UNC5D: variants seen among roughly 807,000 people sequenced by gnomAD.
UNC5D encodes the protein netrin receptor UNC5D.
Under a neutral mutation model 105.4 loss-of-function variants are expected in UNC5D, and 39 were observed. The observed-to-expected ratio is 0.37, with a 90% CI of 0.29 to 0.48. The LOEUF (loss-of-function observed/expected upper bound fraction) is 0.48, where lower values mean the gene tolerates loss of function less well. Among genes scored for constraint, UNC5D ranks in the 20% least tolerant of loss-of-function variants. The pLI is 0.98. For missense variants in UNC5D, 991 were observed against 1,202.4 expected (o/e 0.82, Z 2.60); for synonymous variants, 452 against 450.4 (o/e 1.00, Z -0.04).
At chr8:35,726,813 G>T in intron 10 of UNC5D, 1 of 435,474 alleles carries the variant, frequency 2.3e-6, no homozygotes, top group Non-Finnish European at 4.1e-6. Flanking sequence ...CAGGCTTTAA[G>T]CCCCTTTGGA....
intron 11 of UNC5D, among the ~76,000 whole-genome samples, chr8:35,734,782 ATTT>A (rs1171276656): frequency 3.9e-5 from 5 of 126,704 alleles, no homozygotes; most frequent in Non-Finnish European, 4.9e-5. Context: ...CACACTTTAA[ATTT>A]TTTTTTTTTT....
chr8:35,302,871 A>C (rs1371773213), intron 1 of UNC5D, among the ~76,000 whole-genome samples: 2 of 152,132 alleles, frequency 1.3e-5, no homozygotes, highest in Admixed American at 1.3e-4. Flanking sequence ...AAAACCCTAC[A>C]ATGTAGTTAA....
At chr8:35,779,952 A>G (rs894960460) in intron 16 of UNC5D, among the ~76,000 whole-genome samples, 1 of 152,158 alleles carries the variant, frequency 6.6e-6, no homozygotes, top group Non-Finnish European at 1.5e-5. Flanking sequence ...CCTAATTTTC[A>G]TATTCCAGAA....
chr8:35,373,333 A>G (rs560520812), intron 1 of UNC5D, among the ~76,000 whole-genome samples: 1 of 152,354 alleles, frequency 6.6e-6, no homozygotes, highest in Non-Finnish European at 1.5e-5. Flanking sequence ...TCAGTGAATG[A>G]TTTCAAACAT....
chr8:35,653,171 G>A (rs917210378), intron 4 of UNC5D, among the ~76,000 whole-genome samples: 2 of 151,782 alleles, frequency 1.3e-5, no homozygotes, highest in Non-Finnish European at 2.9e-5. Flanking sequence ...CTCATGATTC[G>A]CCCACTTCAG....
At chr8:35,549,847 A>G (rs1339610520) in intron 2 of UNC5D, among the ~76,000 whole-genome samples, 3 of 152,162 alleles carry the variant, frequency 2.0e-5, no homozygotes, top group Non-Finnish European at 2.9e-5. Context: ...CAAATATTAA[A>G]TCTTGCATCA....
intron 1 of UNC5D, among the ~76,000 whole-genome samples, chr8:35,408,860 GC>G (rs1056652412): frequency 6.6e-6 from 1 of 151,782 alleles, no homozygotes; most frequent in African/African-American, 2.4e-5. Flanking sequence ...TTTGACAAAT[GC>G]ATAGAATTGT....
At chr8:35,568,911 T>C (rs1273098896) in intron 3 of UNC5D, among the ~76,000 whole-genome samples, 4 of 152,148 alleles carry the variant, frequency 2.6e-5, no homozygotes, top group Non-Finnish European at 5.9e-5. Context: ...CAATGACTGT[T>C]TACTTTCCAG....
chr8:35,460,067 G>C (rs1382199721), intron 1 of UNC5D, among the ~76,000 whole-genome samples: 1 of 152,132 alleles, frequency 6.6e-6, no homozygotes, highest in Non-Finnish European at 1.5e-5. Flanking sequence ...TAAATGATTT[G>C]GAAGTTTGGA....
intron 4 of UNC5D, among the ~76,000 whole-genome samples, chr8:35,656,057 C>T (rs1461827379): frequency 6.6e-6 from 1 of 152,140 alleles, no homozygotes; most frequent in Non-Finnish European, 1.5e-5. Context: ...GAGCTTTAGC[C>T]TCCCTCCCTC....
At chr8:35,677,896 GTGTGTGTGTGTA>G (rs1027221448) in intron 4 of UNC5D, among the ~76,000 whole-genome samples, 13 of 151,774 alleles carry the variant, frequency 8.6e-5, no homozygotes, top group East Asian at 1.9e-4. Context: ...GTGTCTGTGT[GTGTGTGTGTGTA>G]TGTGTGTGTG....
intron 3 of UNC5D, among the ~76,000 whole-genome samples, chr8:35,593,181 A>G (rs1377196823): frequency 6.6e-6 from 1 of 152,120 alleles, no homozygotes; most frequent in Non-Finnish European, 1.5e-5. Flanking sequence ...AAAAAATGAC[A>G]TTTCTCCAGT....
At chr8:35,328,054 T>C (rs904256219) in intron 1 of UNC5D, among the ~76,000 whole-genome samples, 6 of 152,188 alleles carry the variant, frequency 3.9e-5, no homozygotes, top group Non-Finnish European at 8.8e-5. Flanking sequence ...GTTTTTTGTT[T>C]GTTTGTTTGT....
intron 1 of UNC5D, among the ~76,000 whole-genome samples, chr8:35,275,077 C>G (rs1261535254): frequency 6.6e-6 from 1 of 151,022 alleles, no homozygotes; most frequent in Non-Finnish European, 1.5e-5. Flanking sequence ...GGTGACAGAG[C>G]AAGACAACGT....
rs1216173082 is a variant in UNC5D at position 35,595,574 on chromosome 8, C to A, written c.487C>A (p.Gln163Lys). 2 of 1,613,900 alleles carry A rather than the reference C, an allele frequency of 1.2e-6. No individual in the cohort carries two copies. The highest frequency in any genetic ancestry group is 1.7e-6 in the Non-Finnish European group (2 of 1,179,966). Residue 163 changes from glutamine to lysine, a missense_variant, in exon 4 of 17, where the codon CAA (glutamine) becomes AAA (lysine). Gln to Lys is a moderately conservative substitution (Grantham distance 53). This residue lies in a region of UNC5D where 944 missense variants were observed against 1,131.6 expected (regional missense o/e 0.83). Transcript: ENST00000404895. ...TGCAGATTTACGGAAAAACTTTGAA[C>A]AAGACCCACAAGGAAGGGAAGTTCC... ...RIAYLRKNFE[Q>K]DPQGREVPIE...
intron 1 of UNC5D, among the ~76,000 whole-genome samples, chr8:35,399,251 A>G (rs1804299257): frequency 6.6e-6 from 1 of 151,982 alleles, no homozygotes; most frequent in South Asian, 2.1e-4. Flanking sequence ...AACACAAAAT[A>G]GATTTCTAGG....
chr8:35,765,144 G>C (rs1484998727), intron 14 of UNC5D, among the ~76,000 whole-genome samples: 2 of 152,202 alleles, frequency 1.3e-5, no homozygotes, highest in South Asian at 2.1e-4. Flanking sequence ...GGGTCTGCCT[G>C]CTGATCTTAG....
chr8:35,704,768 G>A (rs1466606780), intron 7 of UNC5D, among the ~76,000 whole-genome samples: 1 of 152,130 alleles, frequency 6.6e-6, no homozygotes, highest in African/African-American at 2.4e-5. Flanking sequence ...ATGGACGAGG[G>A]CAGGGGGAAT....
chr8:35,706,400 A>C (rs867327059), intron 8 of UNC5D, among the ~76,000 whole-genome samples: 1 of 152,138 alleles, frequency 6.6e-6, no homozygotes, highest in Non-Finnish European at 1.5e-5. Context: ...TCCATGGTGA[A>C]ATAATGACGA....
Sources: gnomAD v4.1 joint callset for allele counts (sites outside exome capture counted in the v4.1 genomes callset) on GRCh38, gnomAD v4.1.1 for gene constraint, gnomAD v4.1.1 regional missense constraint, MANE v1.5 for transcripts, NCBI Gene and HGNC (gene_info 2026-07-23, HGNC 2026-07-21) for gene names.